Variants in TBXAS1 observed in about 807,000 individuals in gnomAD.
TBXAS1 encodes thromboxane-A synthase.
Under a neutral mutation model 60.7 loss-of-function variants are expected in TBXAS1, and 48 were observed. The ratio of observed to expected loss-of-function variants is 0.79; its 90% confidence interval spans 0.63 to 1.01. The LOEUF is 1.01. Among genes scored for constraint, TBXAS1 ranks in the 50% least tolerant of loss-of-function variants. TBXAS1 has a pLI of 0.00. For missense variants in TBXAS1, 685 were observed against 686.3 expected (o/e 1.00, Z 0.02); for synonymous variants, 287 against 269.7 (o/e 1.06, Z -0.63).
chr7:139,893,941 C>T (rs1309581614), intron 3 of TBXAS1, among the ~76,000 whole-genome samples: 2 of 152,206 alleles, frequency 1.3e-5, no homozygotes, highest in African/African-American at 4.8e-5. Flanking sequence ...TTAGCCATAG[C>T]TCTGTTTTGG....
At chr7:139,977,644 G>C (rs1002912447) in intron 9 of TBXAS1, among the ~76,000 whole-genome samples, 1 of 152,078 alleles carries the variant, frequency 6.6e-6, no homozygotes, top group East Asian at 1.9e-4. Context: ...TGCCAGGGGT[G>C]GGGTGGGGTA....
intron 4 of TBXAS1, among the ~76,000 whole-genome samples, chr7:139,806,499 G>C (rs1797882715): frequency 6.6e-6 from 1 of 151,706 alleles, no homozygotes; most frequent in Admixed American, 6.6e-5. Flanking sequence ...CTGACCTCAA[G>C]TGACCCAGCC....
At chr7:139,954,263 C>T (rs1459924714) in intron 6 of TBXAS1, among the ~76,000 whole-genome samples, 1 of 152,320 alleles carries the variant, frequency 6.6e-6, no homozygotes, top group Middle Eastern at 3.4e-3. Flanking sequence ...ACTGGTATTG[C>T]ACCAGTTTAC....
intron 4 of TBXAS1, among the ~76,000 whole-genome samples, chr7:139,802,956 A>C (rs995170604): frequency 3.3e-5 from 5 of 152,196 alleles, no homozygotes; most frequent in African/African-American, 1.2e-4. Context: ...GAGTCCAATA[A>C]ACCTCTTTTT....
At chr7:139,842,037 A>G (rs538705541) in intron 1 of TBXAS1, among the ~76,000 whole-genome samples, 44 of 152,304 alleles carry the variant, frequency 2.9e-4, no homozygotes, top group African/African-American at 1.0e-3. Flanking sequence ...ATGTGATTAT[A>G]AAACAATACA....
chr7:139,865,815 G>A (rs1266595007), intron 1 of TBXAS1, among the ~76,000 whole-genome samples: 37 of 103,838 alleles, frequency 3.6e-4, no homozygotes, highest in African/African-American at 1.2e-3. Flanking sequence ...AAGGAAGGAA[G>A]GGAGGGAGGG....
intron 3 of TBXAS1, among the ~76,000 whole-genome samples, chr7:139,889,905 A>C (rs911179485): frequency 6.6e-6 from 1 of 152,188 alleles, no homozygotes; most frequent in Non-Finnish European, 1.5e-5. Context: ...CTAAGGAGAC[A>C]TTGGGTGCAA....
intron 9 of TBXAS1, among the ~76,000 whole-genome samples, chr7:139,982,928 C>T (rs191077256): frequency 1.3e-5 from 2 of 152,264 alleles, no homozygotes; most frequent in East Asian, 1.9e-4. Flanking sequence ...CCCAACCCTG[C>T]GTTTTCTGGT....
At chr7:139,952,118 TGAA>T (rs1809463485) in intron 5 of TBXAS1, among the ~76,000 whole-genome samples, 1 of 152,102 alleles carries the variant, frequency 6.6e-6, no homozygotes, top group Non-Finnish European at 1.5e-5. Context: ...TGCACTGTCA[TGAA>T]GAAGAGAACA....
intron 9 of TBXAS1, among the ~76,000 whole-genome samples, chr7:140,002,734 G>C (rs947529501): frequency 1.3e-5 from 2 of 152,154 alleles, no homozygotes; most frequent in African/African-American, 4.8e-5. Flanking sequence ...GGACAGCCAG[G>C]GGGCTAAAAA....
chr7:139,779,368 C>A (rs751629198), intron 1 of TBXAS1, among the ~76,000 whole-genome samples: 1 of 152,168 alleles, frequency 6.6e-6, no homozygotes, highest in African/African-American at 2.4e-5. Context: ...TCCTTGCCCC[C>A]ATAATCAATG....
At chr7:139,779,566 C>T (rs144608274) in intron 1 of TBXAS1, among the ~76,000 whole-genome samples, 188 of 152,332 alleles carry the variant, frequency 1.2e-3, no homozygotes, top group African/African-American at 4.1e-3. Flanking sequence ...GAATAGGTCT[C>T]GTGGCTCCCA....
intron 1 of TBXAS1, among the ~76,000 whole-genome samples, chr7:139,867,394 T>C (rs1801500996): frequency 6.6e-6 from 1 of 152,232 alleles, no homozygotes; most frequent in African/African-American, 2.4e-5. Context: ...AGATAATTTC[T>C]GTTTTCTTTT....
chr7:140,019,935 G>A (rs1009095834), intron 12 of TBXAS1, 90 bp from the exon 13 acceptor site: 19 of 1,257,120 alleles, frequency 1.5e-5, no homozygotes, highest in East Asian at 1.2e-4. Context: ...CTTGGACAAC[G>A]GACTTGGCCT....
chr7:139,845,922 T>C (rs1025334713), intron 1 of TBXAS1, among the ~76,000 whole-genome samples: 2 of 150,208 alleles, frequency 1.3e-5, no homozygotes, highest in African/African-American at 4.9e-5. Context: ...CTCCCCAGGC[T>C]CGGGGAATTC....
At chr7:139,982,531 G>A (rs1812045028) in intron 9 of TBXAS1, among the ~76,000 whole-genome samples, 4 of 152,022 alleles carry the variant, frequency 2.6e-5, no homozygotes, top group Admixed American at 2.6e-4. Context: ...CAGATTTTTT[G>A]GACTACAATC....
At chr7:139,810,086 G>T (rs963514043) in intron 4 of TBXAS1, among the ~76,000 whole-genome samples, 12 of 151,958 alleles carry the variant, frequency 7.9e-5, no homozygotes, top group Non-Finnish European at 1.6e-4. Context: ...ACCCAGGCTG[G>T]AGTACAGTGG....
At chr7:139,868,735 C>T (rs1263118168) in intron 1 of TBXAS1, among the ~76,000 whole-genome samples, 1 of 150,106 alleles carries the variant, frequency 6.7e-6, no homozygotes, top group Non-Finnish European at 1.5e-5. Flanking sequence ...TGGCTCACTG[C>T]AACTTCCACC....
intron 3 of TBXAS1, among the ~76,000 whole-genome samples, chr7:139,897,306 G>T (rs897397411): frequency 7.7e-6 from 1 of 129,130 alleles, no homozygotes; most frequent in Non-Finnish European, 1.6e-5. Context: ...GTTTCAGTCG[G>T]TATGATCAGG....
Sources: gnomAD v4.1 joint callset for allele counts (sites outside exome capture counted in the v4.1 genomes callset) on GRCh38, gnomAD v4.1.1 for gene constraint, MANE v1.5 for transcripts, NCBI Gene and HGNC (gene_info 2026-07-23, HGNC 2026-07-21) for gene names.